The following PIEZO1 variants were observed in gnomAD, a reference collection of about 807,000 sequenced individuals.
PIEZO1 encodes the protein piezo type mechanosensitive ion channel component 1 (Er blood group), also known as piezo-type mechanosensitive ion channel component 1.
Under a neutral mutation model 297.2 loss-of-function variants are expected in PIEZO1, and 296 were observed. The observed-to-expected ratio is 1.00, with a 90% CI of 0.91 to 1.10. The LOEUF (loss-of-function observed/expected upper bound fraction) is 1.10, where lower values mean the gene tolerates loss of function less well. PIEZO1 is among the 50% of genes least tolerant of loss of function. The pLI, the probability that PIEZO1 is intolerant of heterozygous loss-of-function variation, is 0.00. For missense variants in PIEZO1, 5,018 were observed against 3,455.5 expected (o/e 1.45, Z -11.34); for synonymous variants, 2,427 against 1,507.5 (o/e 1.61, Z -14.13).
chr16:88,734,694 G>C lies in PIEZO1; in HGVS notation c.1953C>G (p.Asp651Glu). 1 of 1,550,374 alleles carries C rather than the reference G, an allele frequency of 6.5e-7. No homozygotes were observed. The highest frequency in any genetic ancestry group is 1.4e-5 in the African/African-American group (1 of 73,194). ...TGAGGTTGCGCCAGTAGGCAGGGAA[G>C]TCCTGGAACTGGAAGGTGTAGACGG... ...LIAVYTFQFQ[D>E]FPAYWRNLTG... The change falls in exon 15 of 51, where the codon GAC becomes GAG. Residue 651 changes from aspartate to glutamate, a missense_variant. Transcript: ENST00000301015.
intron 21 of PIEZO1, among the ~76,000 whole-genome samples, 195 bp downstream of exon 21, chr16:88,732,140 C>G (rs1207294308): frequency 1.3e-5 from 2 of 151,942 alleles, no homozygotes; most frequent in Non-Finnish European, 2.9e-5. Context: ...GCAGATCTAA[C>G]TTGGCCCCCT....
intron 12 of PIEZO1, 51 bp downstream of exon 12, chr16:88,736,097 C>A: frequency 6.7e-7 from 1 of 1,493,122 alleles, no homozygotes; most frequent in South Asian, 1.3e-5. Flanking sequence ...GACGACAACC[C>A]TGATGGGTCT....
At chr16:88,762,273 C>G (rs1006623322) in intron 1 of PIEZO1, among the ~76,000 whole-genome samples, 1 of 152,142 alleles carries the variant, frequency 6.6e-6, no homozygotes, top group Non-Finnish European at 1.5e-5. Flanking sequence ...GGCCTTTGCA[C>G]ACAGCAGGCA....
At chr16:88,770,331 C>T (rs1431204265) in intron 1 of PIEZO1, among the ~76,000 whole-genome samples, 1 of 152,194 alleles carries the variant, frequency 6.6e-6, no homozygotes, top group Admixed American at 6.5e-5. Context: ...GCCCCCCAGC[C>T]GGGCCCCGCC....
chr16:88,745,636 A>T (rs1013940914), intron 2 of PIEZO1: 1 of 151,180 alleles, frequency 6.6e-6, no homozygotes, highest in African/African-American at 2.4e-5. Context: ...TCAGCTACTC[A>T]GGAGGCTGAG....
At chr16:88,777,803 G>C (rs1370366710) in intron 1 of PIEZO1, among the ~76,000 whole-genome samples, 2 of 152,134 alleles carry the variant, frequency 1.3e-5, no homozygotes, top group Non-Finnish European at 2.9e-5. Flanking sequence ...ACCAAGACCA[G>C]ACCTGGGGTC....
At chr16:88,716,159 C>T in intron 49 of PIEZO1, 39 bp downstream of exon 49, 19 of 1,521,004 alleles carry the variant, frequency 1.2e-5, no homozygotes, top group Non-Finnish European at 1.6e-5. Flanking sequence ...CGCAGGTCAC[C>T]CCTCTCTAGC....
intron 19 of PIEZO1, 92 bp from the exon 20 acceptor site, chr16:88,732,824 G>T: frequency 2.3e-6 from 3 of 1,294,854 alleles, no homozygotes; most frequent in Non-Finnish European, 2.1e-6. Context: ...TCTGGGGCAG[G>T]TCCACTGCTC....
intron 1 of PIEZO1, among the ~76,000 whole-genome samples, chr16:88,750,875 C>G (rs1184507990): frequency 2.0e-5 from 3 of 152,116 alleles, no homozygotes; most frequent in African/African-American, 7.2e-5. Flanking sequence ...ACCCTCCACC[C>G]ACCCTCCAGC....
At chr16:88,760,047 G>A (rs1906855619) in intron 1 of PIEZO1, among the ~76,000 whole-genome samples, 2 of 112,106 alleles carry the variant, frequency 1.8e-5, no homozygotes. Flanking sequence ...CCCCTCAAAG[G>A]CCCCAGCGGA....
At chr16:88,736,533 GCGCGGCAGAGGGGGC>G (rs1905230576) in intron 11 of PIEZO1, 91 bp downstream of exon 11, 1 of 601,218 alleles carries the variant, frequency 1.7e-6, no homozygotes, top group African/African-American at 1.9e-5. Context: ...CCCCACACCT[GCGCGGCAGAGGGGGC>G]TGCACAGCTG....
Position 88,742,312 on chromosome 16 carries a change from G to A in PIEZO1, c.271C>T (p.Leu91=), listed in dbSNP as rs1189990954. The change falls in exon 3 of 51, where the codon CTG becomes TTG. Residue 91 remains leucine (L), a synonymous_variant. Transcript: ENST00000301015. ...CTCAGCGACTCACAGCTGGGTCCCA[G>A]GAGCTGGTCCAGGCGGGGCACAATA... ...LHIVPRLDQL[L]GPSCSRWETL... is the part of the protein sequence containing the mutation. 1 of 1,533,608 alleles carries A rather than the reference G, an allele frequency of 6.5e-7. No homozygotes were observed. Among genetic ancestry groups the A allele is most frequent in the Non-Finnish European group, 8.7e-7 (1 of 1,145,624 alleles).
In PIEZO1 at chr16:88,726,951, G is replaced by C. The variant is rs1434908761; in HGVS notation, c.3463C>G (p.Leu1155Val). The C allele has an allele frequency of 1.1e-5, 17 of 1,550,372 alleles. No individual in the cohort carries two copies. In the East Asian group the frequency reaches 3.2e-4, roughly 29 times the overall value. Residue 1155 changes from leucine (L) to valine (V), a missense_variant, in exon 25 of 51, where the codon CTT becomes GTT. Physicochemically the swap from Leu to Val is conservative, Grantham distance 32. Coordinates refer to ENST00000301015, the MANE Select transcript of PIEZO1 (RefSeq NM_001142864.4). ...AAGACGGCCACCTTCAGCATGTCAA[G>C]GTAGGACCTGCCAGGCCGGAGCGTC... is the stretch of plus-strand genomic sequence containing the variant. ...VPNFIHCRSY[L>V]DMLKVAVFRY...
chr16:88,738,131 C>G (rs1905375408), intron 7 of PIEZO1, 26 bp from the exon 8 acceptor site: 3 of 1,535,644 alleles, frequency 2.0e-6, no homozygotes, highest in Non-Finnish European at 2.6e-6. Context: ...CCGTCACAGC[C>G]TACCACCCCA....
At chr16:88,724,014 G>A (rs892006798) in intron 30 of PIEZO1, 43 bp from the exon 31 acceptor site, 38 of 1,233,230 alleles carry the variant, frequency 3.1e-5, no homozygotes, top group Non-Finnish European at 4.1e-5. Context: ...CATGCAGGGA[G>A]ACTCCCAGCC....
rs1317464584 is a variant in PIEZO1, at chr16:88,722,331, G to C, written c.4842C>G (p.Gly1614=). The C allele has an allele frequency of 2.6e-6, 4 of 1,543,702 alleles. No individual in the cohort carries two copies. The highest frequency in any genetic ancestry group is 2.4e-5 in the East Asian group (1 of 40,868). ...CCTCACTGCCACTGCGCGTGTGGTA[G>C]CCGGTGCTCAGGGGGCTGCCCATGT... ...TDDMGSPLST[G]YHTRSGSEEA... is the part of the protein sequence containing the mutation. Residue 1614 remains glycine, a synonymous_variant, in exon 36 of 51, where the codon GGC becomes GGG. Coordinates refer to ENST00000301015, the MANE Select transcript of PIEZO1 (RefSeq NM_001142864.4).
rs956109212 is a variant in PIEZO1, at chr16:88,717,087, G to A, written c.6596C>T (p.Ser2199Phe). The part of the protein sequence containing the change: ...FPLLFMSLVR[S>F]VVGVVNQPID... Reference sequence around the variant, plus strand: ...GGGCTGGTTGACAACCCCAACCACGGAGCGCACCAGCGACATGAAGAGCAG... The same window carrying A: ...GGGCTGGTTGACAACCCCAACCACGAAGCGCACCAGCGACATGAAGAGCAG... Residue 2199 changes from serine (S) to phenylalanine (F), a missense_variant, in exon 45 of 51, where the codon TCC (serine) becomes TTC (phenylalanine). Physicochemically the swap from Ser to Phe is radical, Grantham distance 155. Coordinates refer to ENST00000301015, the MANE Select transcript of PIEZO1 (RefSeq NM_001142864.4). 1 of 1,551,114 alleles carries A rather than the reference G, an allele frequency of 6.4e-7. No homozygotes were observed. The highest frequency in any genetic ancestry group is 1.4e-5 in the African/African-American group (1 of 73,058).
At chr16:88,748,069 C>T (rs562846777) in intron 2 of PIEZO1, among the ~76,000 whole-genome samples, 1 of 152,346 alleles carries the variant, frequency 6.6e-6, no homozygotes, top group East Asian at 1.9e-4. Context: ...AGCCTGTCTC[C>T]ACAGTCACGC....
rs869031857 is a variant in PIEZO1 at position 88,748,932 on chromosome 16, CAAA to C, written c.160+449_160+451del. On this transcript the variant is annotated intron_variant, in intron 2 of 50. Coordinates refer to ENST00000301015, the MANE Select transcript of PIEZO1 (RefSeq NM_001142864.4). ...TGGGAGATAGAGCGAGACTCGGTCT[CAAA>C]AAAAAAAAAAAAAAAAAAAAAGCCG... 2.0e-3 allele frequency among the ~76,000 whole-genome samples: 91 copies of C among 45,220 alleles called. No homozygotes were observed. In the East Asian group the frequency reaches 0.024, roughly 12 times the overall value. 29.7% of individuals were successfully genotyped at this position (45,220 alleles called of 152,430 possible).
Sources: allele counts gnomAD v4.1 joint callset (sites outside exome capture counted in the v4.1 genomes callset), GRCh38; gene constraint gnomAD v4.1.1; transcripts MANE v1.5; gene names NCBI Gene and HGNC (gene_info 2026-07-23, HGNC 2026-07-21).